The following ZNF804B variants were observed in gnomAD, a reference collection of about 807,000 sequenced individuals.
The protein encoded by ZNF804B is zinc finger 804B.
ZNF804B carries 80 observed loss-of-function variants against 101.4 expected under a neutral mutation model. That is an observed-to-expected ratio of 0.79 (90% confidence interval 0.66 to 0.95). ZNF804B has a LOEUF of 0.95. Among genes scored for constraint, ZNF804B ranks in the 40% least tolerant of loss-of-function variants. The probability of loss-of-function intolerance (pLI) is 0.00; values close to 1 mark genes in which losing one functional copy is unlikely to be tolerated. For synonymous variants in ZNF804B, 622 were observed against 558.8 expected, an observed-to-expected ratio of 1.11 and a Z score of -1.59; for missense variants, 1,673 against 1,561.9, an observed-to-expected ratio of 1.07 and a Z score of -1.20.
intron 1 of ZNF804B, among the ~76,000 whole-genome samples, chr7:88,868,571 T>A (rs142506531): frequency 1.3e-5 from 2 of 152,200 alleles, no homozygotes; most frequent in African/African-American, 4.8e-5. Context: ...CAGCTTAATG[T>A]TCTTGGCAAT....
At chr7:89,022,822 A>T (rs1788688302) in intron 1 of ZNF804B, among the ~76,000 whole-genome samples, 1 of 152,212 alleles carries the variant, frequency 6.6e-6, no homozygotes, top group South Asian at 2.1e-4. Flanking sequence ...GAATGGTTAG[A>T]TAGGAAATGC....
chr7:88,940,851 A>G (rs1793045601), intron 1 of ZNF804B, among the ~76,000 whole-genome samples: 1 of 150,070 alleles, frequency 6.7e-6, no homozygotes, highest in Non-Finnish European at 1.5e-5. Context: ...ACATACTGGG[A>G]GAAAATATTT....
At chr7:89,250,092 G>A (rs1279980532) in intron 2 of ZNF804B, among the ~76,000 whole-genome samples, 2 of 152,070 alleles carry the variant, frequency 1.3e-5, no homozygotes, top group Non-Finnish European at 2.9e-5. Context: ...GGAGGCTGAG[G>A]GAGAGAACTG....
At chr7:89,214,561 A>T (rs1007711999) in intron 1 of ZNF804B, among the ~76,000 whole-genome samples, 1 of 152,156 alleles carries the variant, frequency 6.6e-6, no homozygotes, top group African/African-American at 2.4e-5. Context: ...TTTTTTCAGT[A>T]AAAGTATCCT....
chr7:88,841,730 C>T (rs1791295194), intron 1 of ZNF804B, among the ~76,000 whole-genome samples: 1 of 152,138 alleles, frequency 6.6e-6, no homozygotes, highest in Admixed American at 6.6e-5. Context: ...GAAGTAAGGA[C>T]AGTTGAGGGC....
intron 1 of ZNF804B, among the ~76,000 whole-genome samples, chr7:89,098,444 T>C (rs779001254): frequency 6.6e-6 from 1 of 152,008 alleles, no homozygotes; most frequent in African/African-American, 2.4e-5. Flanking sequence ...AGCTAATTTT[T>C]GTATTTTTAG....
intron 1 of ZNF804B, among the ~76,000 whole-genome samples, chr7:88,870,400 A>AAAAAAAAAAAAAAAAG (rs781332488): frequency 2.7e-4 from 30 of 112,722 alleles, no homozygotes; most frequent in Non-Finnish European, 3.4e-4. Flanking sequence ...AAAAAAAAAA[A>AAAAAAAAAAAAAAAAG]AAAAAAAGGT....
chr7:88,863,909 G>A (rs954727944), intron 1 of ZNF804B, among the ~76,000 whole-genome samples: 3 of 152,192 alleles, frequency 2.0e-5, no homozygotes, highest in Non-Finnish European at 4.4e-5. Flanking sequence ...TAGACTGCAA[G>A]TGTCTGTAGG....
chr7:89,031,023 G>C (rs546653060), intron 1 of ZNF804B, among the ~76,000 whole-genome samples: 2 of 151,350 alleles, frequency 1.3e-5, no homozygotes, highest in African/African-American at 2.4e-5. Context: ...CCTTTTGGGG[G>C]CTGGGGGGTT....
intron 1 of ZNF804B, among the ~76,000 whole-genome samples, chr7:89,102,015 T>C (rs1045098280): frequency 2.0e-5 from 3 of 151,910 alleles, no homozygotes; most frequent in African/African-American, 7.2e-5. Context: ...TCCAGCTCCA[T>C]TCATTTATAG....
chr7:88,936,848 C>T (rs1364606515), intron 1 of ZNF804B, among the ~76,000 whole-genome samples: 1 of 151,968 alleles, frequency 6.6e-6, no homozygotes, highest in African/African-American at 2.4e-5. Context: ...CTTTTAATTT[C>T]CTTGAGTTCA....
At chr7:89,016,847 A>C (rs1296971138) in intron 1 of ZNF804B, among the ~76,000 whole-genome samples, 1 of 152,218 alleles carries the variant, frequency 6.6e-6, no homozygotes, top group Non-Finnish European at 1.5e-5. Flanking sequence ...TATGAACTTT[A>C]AAGTAATATT....
intron 1 of ZNF804B, among the ~76,000 whole-genome samples, chr7:89,160,195 G>T (rs761235803): frequency 6.6e-6 from 1 of 152,006 alleles, no homozygotes; most frequent in Non-Finnish European, 1.5e-5. Context: ...CTATCATTTT[G>T]GCAACTGTAC....
intron 2 of ZNF804B, among the ~76,000 whole-genome samples, chr7:89,313,549 G>A (rs921187297): frequency 3.3e-5 from 5 of 152,120 alleles, no homozygotes; most frequent in African/African-American, 1.2e-4. Flanking sequence ...GAGACTTACT[G>A]GCCTGATCAA....
chr7:89,299,675 G>C (rs922381671), intron 2 of ZNF804B, among the ~76,000 whole-genome samples: 1 of 151,954 alleles, frequency 6.6e-6, no homozygotes, highest in Non-Finnish European at 1.5e-5. Context: ...GATTAAACAC[G>C]TCTGACGTGA....
chr7:89,219,482 C>T (rs1020801142), intron 2 of ZNF804B, among the ~76,000 whole-genome samples: 26 of 151,808 alleles, frequency 1.7e-4, no homozygotes, highest in African/African-American at 4.8e-4. Flanking sequence ...ATCATATGGG[C>T]ATCTATATTA....
Position 89,218,161 on chromosome 7 carries a change from G to T in ZNF804B, c.115G>T (p.Ala39Ser). Residue 39 changes from alanine to serine, a missense_variant, in exon 2 of 4, where the codon GCA becomes TCA. Transcript: ENST00000333190. Reference sequence around the variant, plus strand: ...TATGTATTTTTTCTTAAAGGATTTTGCAGAAAAGAAGTCCACAGCAAAGGC... The same window carrying T: ...TATGTATTTTTTCTTAAAGGATTTTTCAGAAAAGAAGTCCACAGCAAAGGC... The part of the protein sequence containing the change: ...CKNGSPSPDF[A>S]EKKSTAKALE... 2 of 1,610,882 alleles carry T rather than the reference G, an allele frequency of 1.2e-6. No individual in the cohort carries two copies. Among genetic ancestry groups the T allele is most frequent in the Non-Finnish European group, 1.7e-6 (2 of 1,179,040 alleles).
At position 89,275,884 on chromosome 7, in the gene ZNF804B, A is replaced by T. The variant is rs557507349; in HGVS notation, c.250-51460A>T. Among the ~76,000 whole-genome samples, 18 of 151,886 alleles carry T rather than the reference A, an allele frequency of 1.2e-4. No individual in the cohort carries two copies. The South Asian group carries it at 3.7e-3, about 32-fold the overall frequency. ...CACCTACTAGGCATTCTAAAGTGCA[A>T]AACCTCTTGGATTTGCAAAGACATG... is the stretch of plus-strand genomic sequence containing the variant. On this transcript the variant is annotated intron_variant, in intron 2 of 3. Transcript: ENST00000333190.
intron 1 of ZNF804B, among the ~76,000 whole-genome samples, chr7:89,115,990 G>A (rs58420460): frequency 0.038 from 5,675 of 149,890 alleles, 105 homozygotes; most frequent in African/African-American, 0.051. Flanking sequence ...CTGCAGCTTC[G>A]ACCTCCCGGG....
Sources: allele counts gnomAD v4.1 joint callset (sites outside exome capture counted in the v4.1 genomes callset), GRCh38; gene constraint gnomAD v4.1.1; transcripts MANE v1.5; gene names NCBI Gene and HGNC (gene_info 2026-07-23, HGNC 2026-07-21).